The following LIPA variants were observed in gnomAD, a reference collection of about 807,000 sequenced individuals.
LIPA encodes lysosomal acid lipase/cholesteryl ester hydrolase.
A neutral mutation model predicts 40.6 loss-of-function variants in LIPA; 26 were observed. The observed-to-expected ratio is 0.64, with a 90% CI of 0.47 to 0.89. The LOEUF (loss-of-function observed/expected upper bound fraction) is 0.89. LIPA is among the 40% of genes least tolerant of loss of function. The pLI is 0.00. For missense variants in LIPA, 455 were observed against 479.6 expected (o/e 0.95, Z 0.48); for synonymous variants, 188 against 168.4 (o/e 1.12, Z -0.90).
At chr10:89,257,816 T>A (rs1797759111) in intron 1 of LIPA, among the ~76,000 whole-genome samples, 1 of 152,176 alleles carries the variant, frequency 6.6e-6, no homozygotes, top group South Asian at 2.1e-4. Flanking sequence ...CAGAGAGAGC[T>A]GAAGAGAGAG....
At chr10:89,348,747 C>T (rs1037528080) in intron 2 of LIPA, among the ~76,000 whole-genome samples, 2 of 152,178 alleles carry the variant, frequency 1.3e-5, no homozygotes, top group African/African-American at 4.8e-5. Flanking sequence ...TCTCAGGGCC[C>T]GGTAGTGCCT....
At chr10:89,384,065 C>G in intron 2 of LIPA, 2 of 1,614,158 alleles carry the variant, frequency 1.2e-6, no homozygotes, top group Non-Finnish European at 1.7e-6. Flanking sequence ...TCTTCACAGG[C>G]CTATGTCTTT....
intron 2 of LIPA, chr10:89,362,219 T>C (rs1030061992): frequency 2.0e-5 from 3 of 152,178 alleles, no homozygotes; most frequent in African/African-American, 7.2e-5. Context: ...ACAATGTTTC[T>C]ACCTATCTTT....
rs1412873668 is a variant in LIPA at position 89,392,829 on chromosome 10, G to T, written c.61+19962C>A. On this transcript the variant is annotated intron_variant, in intron 2 of 8. Transcript: ENST00000371837. ...GTGAGGTCAGGTTTTCTAATTCCTC[G>T]ATTTGAGTATCTGCTTATGGACTGA... The T allele has an allele frequency of 8.2e-6, 9 of 1,094,454 alleles. No individual in the cohort carries two copies. In the East Asian group the frequency reaches 1.7e-4, roughly 21 times the overall value. 67.8% of individuals were successfully genotyped at this position (1,094,454 alleles called of 1,614,324 possible). A position where few individuals can be genotyped will look rare whatever the true frequency, so the allele number is the denominator to read the frequency against.
chr10:89,402,729 T>G, intron 2 of LIPA: 1 of 1,614,078 alleles, frequency 6.2e-7, no homozygotes, highest in Non-Finnish European at 8.5e-7. Flanking sequence ...CTTGCTGAAG[T>G]GTGGAGGAAA....
At chr10:89,402,395 G>A (rs1413390974) in intron 2 of LIPA, 1 of 1,614,078 alleles carries the variant, frequency 6.2e-7, no homozygotes, top group Admixed American at 1.7e-5. Context: ...ACAGAGTCTT[G>A]GATCAGATTG....
In LIPA at chr10:89,213,711, A is replaced by G. The variant is rs1194578959; in HGVS notation, c.*1117T>C. On this transcript the variant is annotated 3_prime_UTR_variant, in exon 10 of 10. Transcript: ENST00000336233. ...GCTAAAGTAATTATATCAGAAAAAC[A>G]TATCAATTGTCATTTTGTCCACCGG... 1 of 152,266 alleles carries G rather than the reference A, an allele frequency of 6.6e-6. No individual in the cohort carries two copies. The highest frequency in any genetic ancestry group is 1.5e-5 in the Non-Finnish European group (1 of 68,048). The allele number at this position is 152,266 out of a possible 1,614,324, so 9.4% of individuals were successfully genotyped here. A position where few individuals can be genotyped will look rare whatever the true frequency, so the allele number is the denominator to read the frequency against.
At chr10:89,254,290 G>A (rs1206058906), upstream of LIPA, among the ~76,000 whole-genome samples, 4 of 152,210 alleles carry the variant, frequency 2.6e-5, no homozygotes, top group Non-Finnish European at 5.9e-5. Context: ...ACAGGTGGAG[G>A]TTCCCAAACC....
At chr10:89,358,318 C>T (rs1265411795) in intron 2 of LIPA, among the ~76,000 whole-genome samples, 1 of 152,062 alleles carries the variant, frequency 6.6e-6, no homozygotes, top group Admixed American at 6.5e-5. Context: ...GAATGGGGAA[C>T]CTTATATACT....
intron 7 of LIPA, 30 bp downstream of exon 7, chr10:89,223,654 A>G (rs530872380): frequency 1.9e-6 from 3 of 1,572,296 alleles, no homozygotes; most frequent in African/African-American, 2.7e-5. Flanking sequence ...GATAAAAAAA[A>G]AAATCAAATC....
Position 89,325,664 on chromosome 10 carries a change from T to C in LIPA, c.-2+16947A>G, listed in dbSNP as rs543391862. ...TCACTTATAAGTGGGAACTGAACAT[T>C]ATGGACACAAAGAGGGGAACAACAG... On this transcript the variant is annotated intron_variant, in intron 1 of 5. Coordinates refer to the LIPA transcript ENST00000282673. 3.3e-5 allele frequency among the ~76,000 whole-genome samples: 5 copies of C among 152,150 alleles called. No individual in the cohort carries two copies. The East Asian group carries it at 9.6e-4, about 29-fold the overall frequency.
intron 1 of LIPA, chr10:89,302,135 A>G (rs1486306285): frequency 2.5e-6 from 4 of 1,613,644 alleles, no homozygotes; most frequent in Admixed American, 1.7e-5. Context: ...TGAGGTAAAT[A>G]TTTTCCCTTC....
intron 1 of LIPA, chr10:89,339,539 C>G: frequency 3.1e-6 from 5 of 1,614,096 alleles, no homozygotes; most frequent in African/African-American, 1.3e-5. Context: ...ATGCAGAATA[C>G]AGGAGAATCT....
chr10:89,361,307 T>C (rs116110337), intron 2 of LIPA, among the ~76,000 whole-genome samples: 1 of 152,218 alleles, frequency 6.6e-6, no homozygotes, highest in Admixed American at 6.5e-5. Flanking sequence ...GAGAAGACCA[T>C]GCCTGACACT....
intron 2 of LIPA, among the ~76,000 whole-genome samples, chr10:89,377,607 C>A (rs904787106): frequency 1.3e-5 from 2 of 152,200 alleles, no homozygotes; most frequent in Non-Finnish European, 2.9e-5. Flanking sequence ...CATTCTTCCA[C>A]AAATTGACAA....
Position 89,384,941 on chromosome 10 carries a change from A to T in LIPA, c.61+27850T>A, listed in dbSNP as rs1169111119. 9.3e-6 allele frequency: 5 copies of T among 540,452 alleles called. No homozygotes were observed. The East Asian group carries it at 1.5e-4, about 16-fold the overall frequency. The allele number at this position is 540,452 out of a possible 1,614,324, so 33.5% of individuals were successfully genotyped here. On this transcript the variant is annotated intron_variant, in intron 2 of 8. Coordinates refer to the LIPA transcript ENST00000371837. ...TGATCAGGAAAGGCCTTGTGGCACC[A>T]GACATAAGACCCCCTGAAAGTATCA... is the stretch of plus-strand genomic sequence containing the variant.
chr10:89,332,718 A>G (rs1843668710), intron 1 of LIPA: 1 of 1,266,384 alleles, frequency 7.9e-7, no homozygotes, highest in Non-Finnish European at 1.2e-6. Flanking sequence ...TAGAGATGAA[A>G]TATGCATTTA....
upstream of LIPA, among the ~76,000 whole-genome samples, chr10:89,256,482 A>G (rs184946630): frequency 6.6e-6 from 1 of 152,226 alleles, no homozygotes; most frequent in Admixed American, 6.5e-5. Context: ...CTTGACATGA[A>G]CTGAAGAAAG....
intron 3 of LIPA, among the ~76,000 whole-genome samples, chr10:89,238,566 A>C (rs1564761063): frequency 6.6e-6 from 1 of 151,906 alleles, no homozygotes; most frequent in Non-Finnish European, 1.5e-5. Context: ...CTCCCCTTCC[A>C]CTTCCTCCCC....
Sources: allele counts gnomAD v4.1 joint callset (sites outside exome capture counted in the v4.1 genomes callset), GRCh38; gene constraint gnomAD v4.1.1; transcripts MANE v1.5; gene names NCBI Gene and HGNC (gene_info 2026-07-23, HGNC 2026-07-21).